Variants in APOO observed in about 807,000 individuals in gnomAD.
APOO encodes the protein MICOS complex subunit MIC26.
A neutral mutation model predicts 23.1 loss-of-function variants in APOO; 11 were observed. That is an observed-to-expected ratio of 0.48 (90% CI 0.30 to 0.79). APOO has a LOEUF of 0.79. Among genes scored for constraint, APOO ranks in the 30% least tolerant of loss-of-function variants. APOO has a pLI of 0.07. For synonymous variants in APOO, 59 were observed against 54.8 expected (o/e 1.08, Z -0.34); for missense variants, 160 against 142.7 (o/e 1.12, Z -0.62).
At chrX:23,852,600 C>T (rs1471184330) in intron 7 of APOO, among the ~76,000 whole-genome samples, 3 of 87,869 alleles carry the variant, frequency 3.4e-5, no homozygotes, top group South Asian at 7.6e-4. Context: ...GGCCACAGAG[C>T]GAGACTCTGT....
intron 1 of APOO, among the ~76,000 whole-genome samples, chrX:23,895,920 GT>G (rs1926883672): frequency 9.2e-6 from 1 of 109,262 alleles, no homozygotes; most frequent in Non-Finnish European, 1.9e-5. Context: ...ATTCCACCGA[GT>G]TTTTTGAAAA....
At chrX:23,889,961 C>G (rs1031384117) in intron 1 of APOO, among the ~76,000 whole-genome samples, 2 of 111,017 alleles carry the variant, frequency 1.8e-5, no homozygotes, top group Admixed American at 1.9e-4. Flanking sequence ...GCGCCTGGCC[C>G]ACCTGGGGAA....
At chrX:23,855,573 T>C (rs1278933417) in intron 7 of APOO, among the ~76,000 whole-genome samples, 3 of 111,562 alleles carry the variant, frequency 2.7e-5, no homozygotes, top group Middle Eastern at 4.2e-3. Context: ...GAAGTCTAAT[T>C]CTTCCTTAGC....
Position 23,877,649 on chromosome X carries a change from C to T in APOO, c.237+1266G>A, listed in dbSNP as rs1925916798. Among the ~76,000 whole-genome samples the T allele has an allele frequency of 2.7e-5, 3 of 110,387 alleles. No homozygotes were observed. The Admixed American group carries it at 2.9e-4, about 11-fold the overall frequency. Reference sequence around the variant, plus strand: ...ATGAGCCAGGCATGGTAGCTCGTGCCTGTAATCCCAGCTACTTGGGAGGCT... The same window carrying T: ...ATGAGCCAGGCATGGTAGCTCGTGCTTGTAATCCCAGCTACTTGGGAGGCT... On this transcript the variant is annotated intron_variant, in intron 3 of 8. Coordinates refer to ENST00000379226, the MANE Select transcript of APOO (RefSeq NM_024122.5).
intron 4 of APOO, among the ~76,000 whole-genome samples, chrX:23,869,204 C>T (rs185786586): frequency 1.5e-4 from 16 of 110,156 alleles, no homozygotes; most frequent in Non-Finnish European, 2.3e-4. Flanking sequence ...CCACTGCGCC[C>T]GGCTGCAAGT....
chrX:23,883,504 C>A (rs1418711257), intron 1 of APOO: 3 of 111,389 alleles, frequency 2.7e-5, no homozygotes, highest in African/African-American at 9.8e-5. Context: ...CACTCCATAC[C>A]CCTTCTGGCT....
intron 4 of APOO, among the ~76,000 whole-genome samples, 178 bp downstream of exon 4, chrX:23,874,225 T>C (rs1391909429): frequency 1.8e-5 from 2 of 111,717 alleles, no homozygotes; most frequent in Non-Finnish European, 3.8e-5. Flanking sequence ...GGGACACTAG[T>C]TGCCTGAAAT....
chrX:23,901,870 C>T (rs191620392), intron 1 of APOO, among the ~76,000 whole-genome samples: 1 of 112,512 alleles, frequency 8.9e-6, no homozygotes, highest in Non-Finnish European at 1.9e-5. Context: ...ACAAGGAACA[C>T]AGTGAAGCCC....
intron 1 of APOO, among the ~76,000 whole-genome samples, chrX:23,885,124 T>C (rs1333429034): frequency 3.7e-5 from 4 of 109,583 alleles, no homozygotes; most frequent in Admixed American, 9.9e-5. Flanking sequence ...TAAGGCCGGG[T>C]GCGGTGGCTC....
At chrX:23,898,547 A>G (rs1253412187) in intron 1 of APOO, among the ~76,000 whole-genome samples, 1 of 112,020 alleles carries the variant, frequency 8.9e-6, no homozygotes, top group Non-Finnish European at 1.9e-5. Flanking sequence ...TTGGAAAAAA[A>G]AAATCATGTA....
At chrX:23,849,257 C>T in intron 7 of APOO, among the ~76,000 whole-genome samples, 1 of 108,523 alleles carries the variant, frequency 9.2e-6, no homozygotes, top group Non-Finnish European at 1.9e-5. Flanking sequence ...ATTTCTATCC[C>T]CCAAAGATTC....
chrX:23,890,686 G>A (rs924103932), intron 1 of APOO, among the ~76,000 whole-genome samples: 2 of 112,034 alleles, frequency 1.8e-5, no homozygotes, highest in Admixed American at 9.5e-5. Flanking sequence ...CTTTGTGTTA[G>A]ATGATTCTGC....
intron 1 of APOO, among the ~76,000 whole-genome samples, chrX:23,904,165 C>A (rs779235049): frequency 2.1e-4 from 23 of 111,599 alleles, no homozygotes; most frequent in Non-Finnish European, 3.8e-5. Context: ...GGTTGCATAT[C>A]CAGTCTCTAT....
intron 5 of APOO, among the ~76,000 whole-genome samples, chrX:23,864,334 G>A (rs945814566): frequency 1.9e-5 from 2 of 106,176 alleles, no homozygotes; most frequent in Admixed American, 1.0e-4. Context: ...ATGGGGTCTC[G>A]CTCTGTTGCT....
chrX:23,880,425 C>T (rs1415923100), intron 2 of APOO, among the ~76,000 whole-genome samples: 1 of 111,813 alleles, frequency 8.9e-6, no homozygotes, highest in African/African-American at 3.2e-5. Context: ...TCTGGCTGGG[C>T]GTGGTGGCTC....
chrX:23,890,505 G>A (rs1569243223), intron 1 of APOO, among the ~76,000 whole-genome samples: 1 of 112,374 alleles, frequency 8.9e-6, no homozygotes, highest in Admixed American at 9.5e-5. Flanking sequence ...CTATATGTAT[G>A]TTATACAAAT....
intron 7 of APOO, among the ~76,000 whole-genome samples, chrX:23,846,520 C>A (rs1347627158): frequency 9.5e-6 from 1 of 105,303 alleles, no homozygotes; most frequent in Non-Finnish European, 1.9e-5. Context: ...TACTCAGGAG[C>A]CTGAGGTAGG....
In APOO at chrX:23,886,490, T is replaced by TA. The variant is rs759887846; in HGVS notation, c.10-5539dup. ...TTCACTCTATGTAAATTAGACTTTTTAAAAAATCCATCAGCTCTAGCACAC... is the reference window on the plus strand; with the variant it reads ...TTCACTCTATGTAAATTAGACTTTTTAAAAAAATCCATCAGCTCTAGCACAC... On this transcript the variant is annotated intron_variant, in intron 1 of 8. Transcript: ENST00000379226. Among the ~76,000 whole-genome samples, 6 of 111,648 alleles carry TA rather than the reference T, an allele frequency of 5.4e-5. No homozygotes were observed. In the South Asian group the frequency reaches 2.3e-3, roughly 42 times the overall value.
At chrX:23,874,987 C>T (rs1438473881) in intron 3 of APOO, among the ~76,000 whole-genome samples, 2 of 111,820 alleles carry the variant, frequency 1.8e-5, no homozygotes, top group Admixed American at 1.9e-4. Context: ...TGATGGCTCA[C>T]TCCTGTAATC....
Sources: gnomAD v4.1 joint callset for allele counts (sites outside exome capture counted in the v4.1 genomes callset) on GRCh38, gnomAD v4.1.1 for gene constraint, MANE v1.5 for transcripts, NCBI Gene and HGNC (gene_info 2026-07-23, HGNC 2026-07-21) for gene names.